The following KLHL25 variants were observed in gnomAD, a reference collection of about 807,000 sequenced individuals.
The protein encoded by KLHL25 is kelch like family member 25.
KLHL25 carries 41 observed loss-of-function variants against 30.0 expected under a neutral mutation model. The ratio of observed to expected loss-of-function variants is 1.37; its 90% CI spans 1.07 to 1.78. KLHL25 has a LOEUF of 1.78. Ranked by LOEUF, KLHL25 falls within the 40% of genes most tolerant of loss-of-function variation. The probability of loss-of-function intolerance (pLI) is 0.00; values close to 1 mark genes in which losing one functional copy is unlikely to be tolerated. For missense variants in KLHL25, 971 were observed against 824.5 expected, an observed-to-expected ratio of 1.18 and a Z score of -2.18; for synonymous variants, 399 against 355.3, an observed-to-expected ratio of 1.12 and a Z score of -1.38.
rs1407418916 is a variant in KLHL25 at position 85,769,283 on chromosome 15, A to G, written c.528T>C (p.Phe176=). 1.2e-6 allele frequency: 2 copies of G among 1,613,866 alleles called. No individual in the cohort carries two copies. The highest frequency in any genetic ancestry group is 2.7e-5 in the African/African-American group (2 of 74,924). ...EFSWRMCLVH[F]ETVRQSEDFN... ...AGTCCTCGCTCTGCCTCACCGTCTC[A>G]AAGTGCACCAGGCACATGCGCCAGG... The change falls in exon 2 of 3, where the codon TTT becomes TTC. Residue 176 remains phenylalanine, a synonymous_variant. Transcript: ENST00000337975.
chr15:85,785,564 C>CA (rs1490462835), intron 1 of KLHL25, among the ~76,000 whole-genome samples: 2 of 147,406 alleles, frequency 1.4e-5, no homozygotes, highest in African/African-American at 5.0e-5. Context: ...CAGCAAAGTC[C>CA]TTTTTTTTTT....
rs778750760 is a variant in KLHL25, at chr15:85,768,096, G to A, written c.1715C>T (p.Pro572Leu). 2.1e-5 allele frequency: 34 copies of A among 1,614,082 alleles called. No individual in the cohort carries two copies. Among genetic ancestry groups the A allele is most frequent in the Non-Finnish European group, 3.4e-6 (4 of 1,180,052 alleles). ...AAAGGCCGTGGGGATAAGTGAGTAGGGCACTGTGGTGATGCAGTTCCATGT... is the reference window on the plus strand; with the variant it reads ...AAAGGCCGTGGGGATAAGTGAGTAGAGCACTGTGGTGATGCAGTTCCATGT... ...SDTWNCITTV[P>L]YSLIPTAFVS... The change falls in exon 2 of 3, where the codon CCC (proline) becomes CTC (leucine). Residue 572 changes from proline to leucine, a missense_variant. Pro to Leu is a moderately conservative substitution (Grantham distance 98). Transcript: ENST00000337975.
intron 1 of KLHL25, among the ~76,000 whole-genome samples, chr15:85,787,262 C>A (rs2089787112): frequency 6.6e-6 from 1 of 152,158 alleles, no homozygotes; most frequent in African/African-American, 2.4e-5. Context: ...GCCTGGCCAA[C>A]ATGGAGAAAC....
chr15:85,773,313 C>G (rs2089689183), intron 1 of KLHL25, among the ~76,000 whole-genome samples: 1 of 152,210 alleles, frequency 6.6e-6, no homozygotes, highest in African/African-American at 2.4e-5. Flanking sequence ...CATATCAACT[C>G]CACCATGACT....
chr15:85,793,641 C>G (rs1233580497), intron 1 of KLHL25, among the ~76,000 whole-genome samples: 1 of 152,222 alleles, frequency 6.6e-6, no homozygotes, highest in Non-Finnish European at 1.5e-5. Context: ...TCACTGGAAT[C>G]TGGTCCAGGA....
rs1567235839 is a variant in KLHL25, at chr15:85,759,584, C to G, written c.*1452G>C. On this transcript the variant is annotated 3_prime_UTR_variant, in exon 3 of 3. Transcript: ENST00000337975. ...GCGGGGTCTGCTGGGTCTACAGGGT[C>G]CAAGGAGCCCCATGCAGCCAGTGCC... The G allele has an allele frequency of 6.6e-6, 1 of 152,248 alleles. No homozygotes were observed. Among genetic ancestry groups the G allele is most frequent in the East Asian group, 1.9e-4 (1 of 5,194 alleles). 9.4% of individuals were successfully genotyped at this position (152,248 alleles called of 1,614,324 possible). A position where few individuals can be genotyped will look rare whatever the true frequency, so the allele number is the denominator to read the frequency against.
rs140866656 is a variant in KLHL25, at chr15:85,768,431, G to C, written c.1380C>G (p.Ser460=). 35 of 1,613,320 alleles carry C rather than the reference G, an allele frequency of 2.2e-5. No homozygotes were observed. The African/African-American group carries it at 4.4e-4, about 20-fold the overall frequency. ...CCGAGGGGTCATAGCACTGGACCTT[G>C]GACACCATGTCCCGGTGGATGCTGG... The part of the protein sequence containing the change: ...GGTSIHRDMV[S]KVQCYDPSEN... The change falls in exon 2 of 3, where the codon TCC becomes TCG. Residue 460 remains serine (S), a synonymous_variant. Transcript: ENST00000337975.
At chr15:85,774,641 C>A (rs545475896) in intron 1 of KLHL25, among the ~76,000 whole-genome samples, 1 of 152,158 alleles carries the variant, frequency 6.6e-6, no homozygotes, top group African/African-American at 2.4e-5. Context: ...CAGCACTAAC[C>A]CCTTCCCACC....
chr15:85,768,126 G>C lies in KLHL25; in HGVS notation c.1685C>G (p.Ser562Ter), dbSNP rs1381414971. The change falls in exon 2 of 3, where the codon TCA becomes TGA. Residue 562 changes from serine to a stop codon, truncating the protein, a stop_gained. Transcript: ENST00000337975. LOFTEE classifies it low-confidence loss of function (END_TRUNC). The stretch of plus-strand genomic sequence containing the variant: ...TGTGGTGATGCAGTTCCATGTATCT[G>C]AAGTGGGGTCATAGCAGTCCAGAGT... The part of the protein sequence containing the change: ...CKTLDCYDPT[S>*]DTWNCITTVP... 2 of 1,614,140 alleles carry C rather than the reference G, an allele frequency of 1.2e-6. No individual in the cohort carries two copies. Among genetic ancestry groups the C allele is most frequent in the African/African-American group, 1.3e-5 (1 of 74,952 alleles).
chr15:85,762,601 T>C (rs1161542974), intron 2 of KLHL25: 2 of 152,478 alleles, frequency 1.3e-5, no homozygotes, highest in Non-Finnish European at 1.5e-5. Context: ...CAGCAGGTCT[T>C]GGCCAACGTG....
chr15:85,763,025 C>A (rs11630684), intron 2 of KLHL25: 29,924 of 152,266 alleles, frequency 0.2, 3,909 homozygotes, highest in Middle Eastern at 0.4. Flanking sequence ...ATTCGGCAGC[C>A]CCCCCATGCT....
intron 2 of KLHL25, among the ~76,000 whole-genome samples, chr15:85,766,402 T>C (rs1195124992): frequency 1.3e-5 from 2 of 152,178 alleles, no homozygotes; most frequent in African/African-American, 4.8e-5. Flanking sequence ...TCCCAGGCCC[T>C]AAACACAGAG....
chr15:85,767,602 T>C (rs555988954), intron 2 of KLHL25, among the ~76,000 whole-genome samples: 1 of 152,366 alleles, frequency 6.6e-6, no homozygotes, highest in South Asian at 2.1e-4. Flanking sequence ...TAAGTCTTTC[T>C]GGCAAAATTG....
At chr15:85,775,861 G>GT (rs2089705594) in intron 1 of KLHL25, among the ~76,000 whole-genome samples, 3 of 89,038 alleles carry the variant, frequency 3.4e-5, no homozygotes, top group African/African-American at 9.4e-5. Flanking sequence ...TCAATGGCTC[G>GT]TTTAAAAAAA....
rs2151806013 is a variant in KLHL25 at position 85,768,155 on chromosome 15, A to G, written c.1656T>C (p.Cys552=). The change falls in exon 2 of 3, where the codon TGT becomes TGC. Residue 552 remains cysteine, a synonymous_variant. Transcript: ENST00000337975. ...TGGGGTCATAGCAGTCCAGAGTCTT[A>G]CACCTCTGGGTCCCAAAGTAGCCCC... is the stretch of plus-strand genomic sequence containing the variant. ...VVGGYFGTQR[C]KTLDCYDPTS... 1 of 1,614,082 alleles carries G rather than the reference A, an allele frequency of 6.2e-7. No homozygotes were observed. Among genetic ancestry groups the G allele is most frequent in the East Asian group, 2.2e-5 (1 of 44,900 alleles).
At chr15:85,781,015 G>A (rs1203330830) in intron 1 of KLHL25, among the ~76,000 whole-genome samples, 2 of 151,666 alleles carry the variant, frequency 1.3e-5, no homozygotes, top group Non-Finnish European at 2.9e-5. Flanking sequence ...CGCACAGAGT[G>A]GAGTTCCACA....
At chr15:85,793,957 G>T (rs942447482) in intron 1 of KLHL25, among the ~76,000 whole-genome samples, 3 of 152,166 alleles carry the variant, frequency 2.0e-5, no homozygotes, top group African/African-American at 7.2e-5. Context: ...TGCACTTTGG[G>T]GGCTTAGAGC....
intron 1 of KLHL25, among the ~76,000 whole-genome samples, chr15:85,780,203 G>A (rs2089734518): frequency 6.6e-6 from 1 of 152,230 alleles, no homozygotes; most frequent in African/African-American, 2.4e-5. Flanking sequence ...CCCAGCTGCT[G>A]CACCAGACGG....
rs944140718 is a variant in KLHL25 at position 85,794,850 on chromosome 15, C to G, written c.-95G>C. 2.2e-4 allele frequency: 33 copies of G among 152,474 alleles called. 1 individual carries two copies. Among genetic ancestry groups the G allele is most frequent in the Admixed American group, 1.1e-3 (17 of 15,288 alleles). 9.4% of individuals were successfully genotyped at this position (152,474 alleles called of 1,614,324 possible). ...GAGCTCAACAGGCTCCGCCGCGGCT[C>G]CCGTCGGCCGGCTCTCCACAGGCAA... On this transcript the variant is annotated 5_prime_UTR_variant, in exon 1 of 3. Transcript: ENST00000337975.
Sources: gnomAD v4.1 joint callset for allele counts (sites outside exome capture counted in the v4.1 genomes callset) on GRCh38, gnomAD v4.1.1 for gene constraint, MANE v1.5 for transcripts, NCBI Gene and HGNC (gene_info 2026-07-23, HGNC 2026-07-21) for gene names.